IL17B: variants seen among roughly 807,000 people sequenced by gnomAD.
IL17B encodes interleukin 17B, also known as interleukin-17B.
A neutral mutation model predicts 14.7 loss-of-function variants in IL17B; 14 were observed. The observed-to-expected ratio is 0.95, with a 90% CI of 0.63 to 1.49. The LOEUF (loss-of-function observed/expected upper bound fraction) is 1.49. Ranked by LOEUF, IL17B falls within the 40% of genes most tolerant of loss-of-function variation. IL17B has a pLI of 0.00. For missense variants in IL17B, 233 were observed against 252.8 expected, an observed-to-expected ratio of 0.92 and a Z score of 0.53; for synonymous variants, 105 against 94.8, an observed-to-expected ratio of 1.11 and a Z score of -0.62.
chr5:149,381,711 C>G (rs957192082), upstream of IL17B, among the ~76,000 whole-genome samples: 1 of 152,212 alleles, frequency 6.6e-6, no homozygotes, highest in Non-Finnish European at 1.5e-5. Context: ...ATTCCTGGAC[C>G]ATCTCAGACC....
intron 1 of IL17B, among the ~76,000 whole-genome samples, chr5:149,401,577 C>G (rs2127623575): frequency 6.6e-6 from 1 of 152,198 alleles, no homozygotes; most frequent in African/African-American, 2.4e-5. Flanking sequence ...GGCAGCACAT[C>G]TCTACTAACA....
chr5:149,380,660 C>T (rs373835933), upstream of IL17B, among the ~76,000 whole-genome samples: 280 of 152,246 alleles, frequency 1.8e-3, 4 homozygotes, highest in African/African-American at 6.0e-3. Context: ...GCAGGAATGG[C>T]GGGAGGGAAT....
rs368236660 is a variant in IL17B, at chr5:149,396,446, T to C, written n.95+7662A>G. ...GAGTTAATATAAGAAGTCTATCTTC[T>C]TTGACAGTCAAACCTCTTATTGAGA... On this transcript the variant is annotated intron_variant and non_coding_transcript_variant, in intron 1 of 2. Transcript: ENST00000505432. Among the ~76,000 whole-genome samples the C allele has an allele frequency of 7.2e-5, 11 of 152,356 alleles. 1 individual carries two copies. The highest frequency in any genetic ancestry group is 2.6e-4 in the African/African-American group (11 of 41,584).
At chr5:149,392,145 C>G (rs917796688) in intron 1 of IL17B, among the ~76,000 whole-genome samples, 3 of 152,246 alleles carry the variant, frequency 2.0e-5, no homozygotes, top group African/African-American at 7.2e-5. Context: ...GGACTTTGAT[C>G]CAACAATCGC....
chr5:149,375,858 A>G (rs1758515628), intron 2 of IL17B, among the ~76,000 whole-genome samples: 1 of 152,222 alleles, frequency 6.6e-6, no homozygotes, highest in Non-Finnish European at 1.5e-5. Context: ...CAGCCTGGGT[A>G]ACAGAGTGAG....
chr5:149,403,656 G>A (rs1191451161), intron 1 of IL17B, among the ~76,000 whole-genome samples: 3 of 152,140 alleles, frequency 2.0e-5, no homozygotes, highest in Admixed American at 2.0e-4. Context: ...ATTCAGGGTT[G>A]GAGATTAGGG....
At chr5:149,377,511 G>A (rs779817632) in intron 1 of IL17B, among the ~76,000 whole-genome samples, 6 of 152,186 alleles carry the variant, frequency 3.9e-5, no homozygotes, top group African/African-American at 1.2e-4. Context: ...CATATCTCCC[G>A]TGTCTGCGTG....
chr5:149,379,511 T>C (rs1758633364), upstream of IL17B, among the ~76,000 whole-genome samples: 8 of 152,218 alleles, frequency 5.3e-5, no homozygotes, highest in Admixed American at 5.2e-4. Flanking sequence ...GGTGGGGCTC[T>C]GGCCGGTGGC....
intron 1 of IL17B, among the ~76,000 whole-genome samples, chr5:149,402,340 A>C (rs78235677): frequency 0.057 from 8,652 of 152,188 alleles, 616 homozygotes; most frequent in African/African-American, 0.17. Flanking sequence ...CCTTCAATGC[A>C]AGCCTTTCCC....
chr5:149,394,324 T>C (rs1759049262), intron 1 of IL17B, among the ~76,000 whole-genome samples: 1 of 152,224 alleles, frequency 6.6e-6, no homozygotes, highest in South Asian at 2.1e-4. Context: ...ATCTGAGTCT[T>C]TTGACAAGAT....
At chr5:149,380,263 G>A (rs1305441708), upstream of IL17B, among the ~76,000 whole-genome samples, 4 of 152,086 alleles carry the variant, frequency 2.6e-5, no homozygotes, top group Admixed American at 6.6e-5. Flanking sequence ...CTGCTATAAG[G>A]AATAAAGGAA....
intron 1 of IL17B, among the ~76,000 whole-genome samples, chr5:149,396,839 T>C (rs897606082): frequency 6.6e-6 from 1 of 152,208 alleles, no homozygotes; most frequent in African/African-American, 2.4e-5. Flanking sequence ...GACATCTCAA[T>C]ATCAGCAAGT....
At chr5:149,401,753 T>C (rs1431350031) in intron 1 of IL17B, among the ~76,000 whole-genome samples, 2 of 152,028 alleles carry the variant, frequency 1.3e-5, no homozygotes, top group Non-Finnish European at 2.9e-5. Context: ...AGAAACCCTC[T>C]CAAATAAATA....
At chr5:149,395,205 T>G (rs1759067733) in intron 1 of IL17B, among the ~76,000 whole-genome samples, 1 of 152,238 alleles carries the variant, frequency 6.6e-6, no homozygotes, top group African/African-American at 2.4e-5. Flanking sequence ...TCTCTCTTTT[T>G]TTAATGGCTG....
chr5:149,402,381 T>G (rs1464249591), intron 1 of IL17B, among the ~76,000 whole-genome samples: 1 of 152,144 alleles, frequency 6.6e-6, no homozygotes. Flanking sequence ...GGCTACACCA[T>G]TGTTCCCCTT....
chr5:149,378,976 T>C (rs1758616085), intron 1 of IL17B, among the ~76,000 whole-genome samples: 1 of 152,182 alleles, frequency 6.6e-6, no homozygotes, highest in African/African-American at 2.4e-5. Flanking sequence ...GCCTCTGGTC[T>C]GAAAAGGCTT....
intron 1 of IL17B, among the ~76,000 whole-genome samples, chr5:149,396,374 A>T (rs957465127): frequency 9.2e-5 from 14 of 152,246 alleles, no homozygotes; most frequent in African/African-American, 3.4e-4. Flanking sequence ...TGAAAGTGCC[A>T]TTCATTGGCC....
chr5:149,387,567 A>G (rs1180831369), intron 1 of IL17B, among the ~76,000 whole-genome samples: 2 of 152,178 alleles, frequency 1.3e-5, no homozygotes, highest in African/African-American at 2.4e-5. Context: ...TCAGGAGTTC[A>G]AGATGAGTTC....
At chr5:149,399,260 G>C (rs1759161076) in intron 1 of IL17B, among the ~76,000 whole-genome samples, 1 of 152,172 alleles carries the variant, frequency 6.6e-6, no homozygotes, top group Non-Finnish European at 1.5e-5. Flanking sequence ...TAGCAACCCT[G>C]TTCACAGCTG....
Sources: allele counts gnomAD v4.1 joint callset (sites outside exome capture counted in the v4.1 genomes callset), GRCh38; gene constraint gnomAD v4.1.1; transcripts MANE v1.5; gene names NCBI Gene and HGNC (gene_info 2026-07-23, HGNC 2026-07-21).